Variants in CPNE8 observed in about 807,000 individuals in gnomAD.
CPNE8 encodes the protein copine-8.
A neutral mutation model predicts 81.5 loss-of-function variants in CPNE8; 45 were observed. That is an observed-to-expected ratio of 0.55 (90% CI 0.44 to 0.71). The LOEUF (loss-of-function observed/expected upper bound fraction) is 0.71. Among genes scored for constraint, CPNE8 ranks in the 30% least tolerant of loss-of-function variants. The pLI is 0.00. For synonymous variants in CPNE8, 252 were observed against 226.3 expected, an observed-to-expected ratio of 1.11 and a Z score of -1.02; for missense variants, 594 against 672.1, an observed-to-expected ratio of 0.88 and a Z score of 1.28.
At chr12:38,883,348 T>C (rs1944190182) in intron 1 of CPNE8, among the ~76,000 whole-genome samples, 3 of 152,224 alleles carry the variant, frequency 2.0e-5, no homozygotes, top group African/African-American at 7.2e-5. Flanking sequence ...CAAATAATGT[T>C]ATTATTTAGC....
intron 6 of CPNE8, among the ~76,000 whole-genome samples, chr12:38,812,288 T>C (rs746910545): frequency 2.0e-5 from 3 of 152,172 alleles, no homozygotes; most frequent in East Asian, 1.9e-4. Context: ...TGTTGGTATA[T>C]TAATCTGTTC....
At chr12:38,770,191 C>T (rs530356428) in intron 7 of CPNE8, among the ~76,000 whole-genome samples, 1 of 152,298 alleles carries the variant, frequency 6.6e-6, no homozygotes, top group South Asian at 2.1e-4. Context: ...CTAACATATT[C>T]CAATCTGAAC....
At position 38,670,771 on chromosome 12, in the gene CPNE8, T is replaced by G; in HGVS notation, c.1464A>C (p.Arg488Ser). The change falls in exon 19 of 20, where the codon AGA (arginine) becomes AGC (serine). Residue 488 changes from arginine (R) to serine (S), a missense_variant. Physicochemically the swap from Arg to Ser is moderately radical, Grantham distance 110. Transcript: ENST00000331366. Reference protein sequence around the residue: ...AMVELDGDDVRVSSRGKYAER... With the variant: ...AMVELDGDDVSVSSRGKYAER... ...CAGCATATTTTCCTCTAGAGGAGAC[T>G]CTTACATCATCTCCATCCAATTCGA... 1 of 1,610,106 alleles carries G rather than the reference T, an allele frequency of 6.2e-7. No individual in the cohort carries two copies. The highest frequency in any genetic ancestry group is 8.5e-7 in the Non-Finnish European group (1 of 1,177,734).
At chr12:38,726,308 G>A (rs1940696089) in intron 11 of CPNE8, 2 of 151,310 alleles carry the variant, frequency 1.3e-5, no homozygotes, top group Non-Finnish European at 1.5e-5. Flanking sequence ...AATAAAGTAC[G>A]TTTTTCAGAT....
At chr12:38,734,329 G>C (rs1940903938) in intron 10 of CPNE8, among the ~76,000 whole-genome samples, 1 of 151,980 alleles carries the variant, frequency 6.6e-6, no homozygotes, top group Non-Finnish European at 1.5e-5. Context: ...AATGGCACAA[G>C]TGCCAATCAT....
At chr12:38,807,699 C>T (rs1358819853) in intron 6 of CPNE8, among the ~76,000 whole-genome samples, 2 of 150,942 alleles carry the variant, frequency 1.3e-5, no homozygotes, top group East Asian at 1.9e-4. Flanking sequence ...TGGGCAAGGA[C>T]TTCATGTCTA....
rs144584736 is a variant in CPNE8 at position 38,685,353 on chromosome 12, A to T, written c.1271+137T>A. ...TCGTTTGATAGAGACTCTTTCTAAC[A>T]TACATTTTTTCCCCACTTTCTTGGA... On this transcript the variant is annotated intron_variant, in intron 16 of 19. Transcript: ENST00000331366. The T allele has an allele frequency of 3.1e-4, 257 of 830,012 alleles. No homozygotes were observed. In the African/African-American group the frequency reaches 4.1e-3, roughly 13 times the overall value. The allele number at this position is 830,012 out of a possible 1,614,324, so 51.4% of individuals were successfully genotyped here.
intron 10 of CPNE8, among the ~76,000 whole-genome samples, chr12:38,735,960 T>A (rs1048293047): frequency 4.0e-5 from 6 of 151,868 alleles, no homozygotes; most frequent in South Asian, 2.1e-4. Context: ...TTTGCTGATA[T>A]TTTAAATCAT....
At chr12:38,840,915 A>G (rs555431999) in intron 4 of CPNE8, among the ~76,000 whole-genome samples, 17 of 152,280 alleles carry the variant, frequency 1.1e-4, no homozygotes, top group Admixed American at 3.3e-4. Flanking sequence ...CTTGTATAGG[A>G]AAATATTTGT....
chr12:38,762,245 CAT>C, intron 8 of CPNE8, 29 bp from the exon 9 acceptor site: 2 of 1,275,068 alleles, frequency 1.6e-6, no homozygotes, highest in South Asian at 2.6e-5. Flanking sequence ...CAGTTATTTG[CAT>C]GCTTTGACTA....
chr12:38,868,204 G>C (rs1943943223), intron 3 of CPNE8, among the ~76,000 whole-genome samples: 1 of 151,912 alleles, frequency 6.6e-6, no homozygotes, highest in Admixed American at 6.6e-5. Flanking sequence ...TACCAAAATT[G>C]CTGAGAAAAT....
chr12:38,768,908 T>C (rs1403692840), intron 7 of CPNE8, among the ~76,000 whole-genome samples: 1 of 152,206 alleles, frequency 6.6e-6, no homozygotes, highest in Non-Finnish European at 1.5e-5. Context: ...TTGAATATTA[T>C]GTGATAAAAT....
intron 6 of CPNE8, among the ~76,000 whole-genome samples, chr12:38,787,528 A>G (rs1275272432): frequency 6.6e-6 from 1 of 151,748 alleles, no homozygotes; most frequent in East Asian, 1.9e-4. Flanking sequence ...CAATCTAACA[A>G]TGCATCTTAA....
intron 10 of CPNE8, among the ~76,000 whole-genome samples, chr12:38,736,116 C>T (rs1940946788): frequency 1.3e-5 from 2 of 151,746 alleles, no homozygotes; most frequent in South Asian, 4.2e-4. Context: ...CTTAGCCACA[C>T]CTGCTCATTA....
intron 13 of CPNE8, among the ~76,000 whole-genome samples, chr12:38,711,432 T>C (rs1172133572): frequency 6.6e-6 from 1 of 152,018 alleles, no homozygotes; most frequent in Admixed American, 6.6e-5. Flanking sequence ...TCATAAAGTA[T>C]GTAACTAGAT....
At chr12:38,793,730 A>G (rs1942384868) in intron 6 of CPNE8, among the ~76,000 whole-genome samples, 1 of 152,008 alleles carries the variant, frequency 6.6e-6, no homozygotes, top group Admixed American at 6.5e-5. Flanking sequence ...TCAATCTATA[A>G]TTCATATAGA....
At chr12:38,810,351 C>T (rs1190683751) in intron 6 of CPNE8, among the ~76,000 whole-genome samples, 1 of 152,084 alleles carries the variant, frequency 6.6e-6, no homozygotes, top group Non-Finnish European at 1.5e-5. Context: ...TTCAAAGAGC[C>T]TTTTGTGCAA....
Position 38,852,225 on chromosome 12 carries a change from C to T in CPNE8, c.187-3563G>A, listed in dbSNP as rs186342037. On this transcript the variant is annotated intron_variant, in intron 3 of 19. Coordinates refer to ENST00000331366, the MANE Select transcript of CPNE8 (RefSeq NM_153634.3). The stretch of plus-strand genomic sequence containing the variant: ...GGCAGATCACCTGAGGTTAGGGGTT[C>T]AAGACCAGCCTGACCAACATGGAGA... 5.4e-3 allele frequency among the ~76,000 whole-genome samples: 818 copies of T among 152,080 alleles called. 9 individuals carry two copies. The highest frequency in any genetic ancestry group is 0.019 in the African/African-American group (783 of 41,490).
At chr12:38,659,630 T>C (rs1332190811) in intron 19 of CPNE8, among the ~76,000 whole-genome samples, 2 of 152,212 alleles carry the variant, frequency 1.3e-5, no homozygotes, top group African/African-American at 2.4e-5. Context: ...ATTCCAAAAT[T>C]GACCACAGAG....
Sources: gnomAD v4.1 joint callset for allele counts (sites outside exome capture counted in the v4.1 genomes callset) on GRCh38, gnomAD v4.1.1 for gene constraint, MANE v1.5 for transcripts, NCBI Gene and HGNC (gene_info 2026-07-23, HGNC 2026-07-21) for gene names.